TESK2: variants seen among roughly 807,000 people sequenced by gnomAD.
TESK2 encodes the protein testis associated actin remodelling kinase 2.
Under a neutral mutation model 57.1 loss-of-function variants are expected in TESK2, and 39 were observed. The ratio of observed to expected loss-of-function variants is 0.68; its 90% CI spans 0.53 to 0.89. TESK2 has a LOEUF of 0.89. TESK2 is among the 40% of genes least tolerant of loss of function. The pLI, the probability that TESK2 is intolerant of heterozygous loss-of-function variation, is 0.00. For missense variants in TESK2, 646 were observed against 732.1 expected (o/e 0.88, Z 1.36); for synonymous variants, 249 against 267.9 (o/e 0.93, Z 0.69).
intron 3 of TESK2, among the ~76,000 whole-genome samples, chr1:45,415,973 C>G (rs1243468570): frequency 6.7e-6 from 1 of 148,728 alleles, no homozygotes; most frequent in African/African-American, 2.5e-5. Context: ...AGCTCATCAG[C>G]TATTGTTAGT....
At chr1:45,486,516 T>C (rs1653482090) in intron 1 of TESK2, among the ~76,000 whole-genome samples, 1 of 151,294 alleles carries the variant, frequency 6.6e-6, no homozygotes, top group Non-Finnish European at 1.5e-5. Context: ...CTACTAAAAA[T>C]ACAAAAATTA....
chr1:45,418,304 A>C (rs1413736259), intron 3 of TESK2, among the ~76,000 whole-genome samples: 2 of 152,078 alleles, frequency 1.3e-5, no homozygotes, highest in Non-Finnish European at 2.9e-5. Flanking sequence ...CATCTACCTC[A>C]CTCTCAAACA....
At chr1:45,421,508 C>T (rs940047217) in intron 3 of TESK2, among the ~76,000 whole-genome samples, 1 of 152,044 alleles carries the variant, frequency 6.6e-6, no homozygotes, top group Admixed American at 6.5e-5. Flanking sequence ...AGTAAAGCAA[C>T]TTAAGAGATA....
At chr1:45,444,751 G>T (rs1346556957) in intron 2 of TESK2, among the ~76,000 whole-genome samples, 2 of 152,190 alleles carry the variant, frequency 1.3e-5, no homozygotes, top group East Asian at 3.8e-4. Flanking sequence ...ACTCCATCTT[G>T]CTTCTAACCA....
In TESK2 at chr1:45,421,842, C is replaced by T. The variant is rs749444911; in HGVS notation, c.227G>A (p.Arg76Gln). ...CATCACCTGACCAGAAGCTCGGTGT[C>T]GTACCTAGAATATTAAATAGAACAA... ...SGFFSEVFKV[R>Q]HRASGQVMAL... Residue 76 changes from arginine to glutamine, a missense_variant, in exon 3 of 11, where the codon CGA (arginine) becomes CAA (glutamine). Physicochemically the swap from Arg to Gln is conservative, Grantham distance 43 (BLOSUM62 1). Coordinates refer to ENST00000372086, the MANE Select transcript of TESK2 (RefSeq NM_007170.3). 15 of 1,613,802 alleles carry T rather than the reference C, an allele frequency of 9.3e-6. No homozygotes were observed. Among genetic ancestry groups the T allele is most frequent in the East Asian group, 2.2e-5 (1 of 44,858 alleles).
chr1:45,484,666 A>C (rs1428531622), intron 1 of TESK2, among the ~76,000 whole-genome samples: 2 of 151,894 alleles, frequency 1.3e-5, no homozygotes, highest in African/African-American at 2.4e-5. Flanking sequence ...CGGAAGGCGG[A>C]AGTTGCAGAA....
At chr1:45,486,782 T>TACACACACACAC (rs71052887) in intron 1 of TESK2, among the ~76,000 whole-genome samples, 3,208 of 115,794 alleles carry the variant, frequency 0.028, 104 homozygotes, top group East Asian at 0.098. Flanking sequence ...CCTCCCAGCA[T>TACACACACACAC]ACACACACAC....
intron 1 of TESK2, among the ~76,000 whole-genome samples, chr1:45,465,114 T>C (rs1401590450): frequency 1.3e-5 from 2 of 151,788 alleles, no homozygotes; most frequent in African/African-American, 4.8e-5. Flanking sequence ...CACACATCTG[T>C]AATCCCAGCC....
At chr1:45,397,116 G>T (rs897116774) in intron 3 of TESK2, among the ~76,000 whole-genome samples, 15 of 152,160 alleles carry the variant, frequency 9.9e-5, no homozygotes, top group African/African-American at 3.6e-4. Flanking sequence ...ACCACACCCA[G>T]CCTGGTATCA....
chr1:45,445,869 G>A (rs1294542553), intron 2 of TESK2, among the ~76,000 whole-genome samples: 1 of 152,092 alleles, frequency 6.6e-6, no homozygotes, highest in Non-Finnish European at 1.5e-5. Context: ...CACTCTAAGA[G>A]TTGCAACTAA....
chr1:45,434,959 C>CTTTTTTT (rs60515365), intron 2 of TESK2, among the ~76,000 whole-genome samples: 4 of 140,452 alleles, frequency 2.8e-5, no homozygotes. Context: ...ACTTTTCTTT[C>CTTTTTTT]TTTTTTTTTT....
At position 45,344,253 on chromosome 1, in the gene TESK2, T is replaced by A. The variant is rs1647104484; in HGVS notation, c.*587A>T. 1.9e-5 allele frequency: 3 copies of A among 157,710 alleles called. No individual in the cohort carries two copies. The highest frequency in any genetic ancestry group is 1.8e-4 in the Admixed American group (3 of 16,460). 9.8% of individuals were successfully genotyped at this position (157,710 alleles called of 1,614,324 possible). A position where few individuals can be genotyped will look rare whatever the true frequency, so the allele number is the denominator to read the frequency against. On this transcript the variant is annotated 3_prime_UTR_variant, in exon 11 of 11. Coordinates refer to ENST00000372086, the MANE Select transcript of TESK2 (RefSeq NM_007170.3). ...TAATCAACAGGAAAAGGTCTTTGAA[T>A]AGGTTAGCTAAGAGCCATGACCACC...
In TESK2 at chr1:45,345,569, A is replaced by G. The variant is rs1022942819; in HGVS notation, c.998-11T>C. The G allele has an allele frequency of 1.2e-6, 2 of 1,607,646 alleles. No homozygotes were observed. The highest frequency in any genetic ancestry group is 1.7e-6 in the Non-Finnish European group (2 of 1,175,930). ...CTTTCTCCAAGAGTCCTGAAGAATAATCAAGTCTGGGTTACTCTCACTAGT... is the reference window on the plus strand; with the variant it reads ...CTTTCTCCAAGAGTCCTGAAGAATAGTCAAGTCTGGGTTACTCTCACTAGT... On this transcript the variant is annotated splice_polypyrimidine_tract_variant and intron_variant, in intron 10 of 10. Transcript: ENST00000372086.
At chr1:45,451,109 C>A (rs1337505920) in intron 2 of TESK2, among the ~76,000 whole-genome samples, 1 of 152,160 alleles carries the variant, frequency 6.6e-6, no homozygotes, top group Non-Finnish European at 1.5e-5. Flanking sequence ...GCTGATGGTG[C>A]CTCATCAGCA....
chr1:45,483,625 G>A (rs972317186), intron 1 of TESK2, among the ~76,000 whole-genome samples: 3 of 151,362 alleles, frequency 2.0e-5, no homozygotes, highest in Non-Finnish European at 4.4e-5. Flanking sequence ...GGAAATTAAT[G>A]AAGCCAGGTT....
At chr1:45,424,929 T>C (rs916484339) in intron 2 of TESK2, among the ~76,000 whole-genome samples, 16 of 152,168 alleles carry the variant, frequency 1.1e-4, no homozygotes, top group Non-Finnish European at 2.1e-4. Flanking sequence ...AAAAGCCATA[T>C]ATGACAGACC....
At chr1:45,483,355 G>C (rs1653313845) in intron 1 of TESK2, among the ~76,000 whole-genome samples, 1 of 152,018 alleles carries the variant, frequency 6.6e-6, no homozygotes, top group African/African-American at 2.4e-5. Context: ...CAGCACTTTG[G>C]GAGGCCGAGG....
chr1:45,479,813 CTTTTTTTTTTTTT>C (rs35869444), intron 1 of TESK2, among the ~76,000 whole-genome samples: 6 of 68,548 alleles, frequency 8.8e-5, no homozygotes, highest in African/African-American at 4.0e-4. Context: ...GAAGGCCCTT[CTTTTTTTTTTTTT>C]TTTTTTTTTT....
At chr1:45,358,006 T>TA (rs760610185) in intron 4 of TESK2, among the ~76,000 whole-genome samples, 597 of 24,072 alleles carry the variant, frequency 0.025, 28 homozygotes, top group Non-Finnish European at 0.03. Context: ...AAACTCCGTC[T>TA]AAAAAAAAAA....
Sources: gnomAD v4.1 joint callset for allele counts (sites outside exome capture counted in the v4.1 genomes callset) on GRCh38, gnomAD v4.1.1 for gene constraint, MANE v1.5 for transcripts, NCBI Gene and HGNC (gene_info 2026-07-23, HGNC 2026-07-21) for gene names.